Variants in RMDN3 observed in about 807,000 individuals in gnomAD.
RMDN3 encodes the protein regulator of microtubule dynamics protein 3.
A neutral mutation model predicts 61.8 loss-of-function variants in RMDN3; 41 were observed. That is an observed-to-expected ratio of 0.66 (90% CI 0.52 to 0.86). The LOEUF (loss-of-function observed/expected upper bound fraction) is 0.86, where lower values mean the gene tolerates loss of function less well. Among genes scored for constraint, RMDN3 ranks in the 40% least tolerant of loss-of-function variants. The pLI, the probability that RMDN3 is intolerant of heterozygous loss-of-function variation, is 0.00. For synonymous variants in RMDN3, 247 were observed against 232.0 expected (o/e 1.06, Z -0.59); for missense variants, 557 against 585.3 (o/e 0.95, Z 0.50).
rs994247457 is a variant in RMDN3 at position 40,746,481 on chromosome 15, C to T, written c.525-1222G>A. On this transcript the variant is annotated intron_variant, in intron 4 of 12. Coordinates refer to ENST00000338376, the MANE Select transcript of RMDN3 (RefSeq NM_018145.3). ...GCAGTGAGCGGAGATCACACCACTG[C>T]ACTCCACCCTGGGCGACAGAGCAAG... Among the ~76,000 whole-genome samples, 8 of 148,188 alleles carry T rather than the reference C, an allele frequency of 5.4e-5. No homozygotes were observed. In the Admixed American group the frequency reaches 5.4e-4, roughly 10 times the overall value.
chr15:40,752,052 C>T lies in RMDN3; in HGVS notation c.314G>A (p.Arg105Gln), dbSNP rs760955254. The T allele has an allele frequency of 9.3e-6, 15 of 1,614,230 alleles. No homozygotes were observed. The East Asian group carries it at 1.1e-4, about 12-fold the overall frequency. Residue 105 changes from arginine (R) to glutamine (Q), a missense_variant, in exon 3 of 13, where the codon CGG (arginine) becomes CAG (glutamine). By Grantham distance (43) the Arg-to-Gln change is conservative. Transcript: ENST00000338376. ...DFVLTSLVAL[R>Q]REVEELRSSL... ...GCTTCTCAGCTCCTCCACCTCCCGC[C>T]GCAGCGCCACAAGGCTGGTCAGCAC...
At position 40,737,721 on chromosome 15, in the gene RMDN3, A is replaced by G. The variant is rs778564666; in HGVS notation, c.1131T>C (p.Ser377=). The change falls in exon 10 of 13, where the codon TCT becomes TCC. Residue 377 remains serine, a synonymous_variant. Coordinates refer to ENST00000338376, the MANE Select transcript of RMDN3 (RefSeq NM_018145.3). ...TTTTTTTTTCTAGCCAGCTCAGGTG[A>G]GAGACCTGCCACAAAAAGATCAAGG... ...FLLGRWCYQV[S]HLSWLEKKTA... is the part of the protein sequence containing the mutation. The G allele has an allele frequency of 4.3e-6, 7 of 1,613,676 alleles. No homozygotes were observed. The highest frequency in any genetic ancestry group is 1.7e-5 in the Admixed American group (1 of 59,968).
chr15:40,739,137 CCCA>C (rs1897181695), intron 7 of RMDN3: 1 of 152,090 alleles, frequency 6.6e-6, no homozygotes. Flanking sequence ...TGCCTTCTCC[CCCA>C]CATCCCCCCT....
In RMDN3 at chr15:40,751,453, G is replaced by C; in HGVS notation, c.497C>G (p.Thr166Arg). The C allele has an allele frequency of 6.2e-7, 1 of 1,614,202 alleles. No individual in the cohort carries two copies. The highest frequency in any genetic ancestry group is 1.1e-5 in the South Asian group (1 of 91,090). The change falls in exon 4 of 13, where the codon ACG becomes AGG. Residue 166 changes from threonine to arginine, a missense_variant. By Grantham distance (71) the Thr-to-Arg change is moderately conservative (BLOSUM62 -1). Transcript: ENST00000338376. ...SVYFTASSGA[T>R]FTDAESEGGY... ...CCCTTCACTCTCAGCATCTGTGAAC[G>C]TGGCTCCCGAGGAGGCCGTGAAGTA...
chr15:40,740,658 A>AC (rs1897245142), intron 6 of RMDN3, among the ~76,000 whole-genome samples: 1 of 151,892 alleles, frequency 6.6e-6, no homozygotes, highest in Admixed American at 6.6e-5. Flanking sequence ...AAGGCTGCAA[A>AC]CGGCTTCTAA....
intron 4 of RMDN3, among the ~76,000 whole-genome samples, chr15:40,748,616 T>C (rs1471335563): frequency 6.6e-6 from 1 of 152,202 alleles, no homozygotes; most frequent in Non-Finnish European, 1.5e-5. Context: ...CTTTATTTTT[T>C]TGGGATGGAG....
intron 5 of RMDN3, 58 bp from the exon 6 acceptor site, chr15:40,744,207 G>A (rs1897402722): frequency 6.6e-7 from 1 of 1,509,752 alleles, no homozygotes; most frequent in Non-Finnish European, 9.2e-7. Context: ...GAGAATGGGG[G>A]CCTTGGCCTT....
chr15:40,743,161 C>G (rs1321690633), intron 6 of RMDN3, among the ~76,000 whole-genome samples: 1 of 152,166 alleles, frequency 6.6e-6, no homozygotes, highest in Non-Finnish European at 1.5e-5. Context: ...TGGTTTATGC[C>G]TGTTATCCCA....
chr15:40,743,980 G>C, intron 6 of RMDN3, 67 bp downstream of exon 6: 3 of 1,381,242 alleles, frequency 2.2e-6, no homozygotes, highest in Non-Finnish European at 2.0e-6. Flanking sequence ...CGGGTCCCCA[G>C]GCAGATGGGC....
intron 6 of RMDN3, among the ~76,000 whole-genome samples, chr15:40,741,130 C>T (rs1166674485): frequency 6.6e-6 from 1 of 152,046 alleles, no homozygotes; most frequent in Non-Finnish European, 1.5e-5. Flanking sequence ...CCCCAACAGA[C>T]CTTACTCTGG....
intron 3 of RMDN3, 30 bp from the exon 4 acceptor site, chr15:40,751,599 C>G (rs1215039204): frequency 6.2e-7 from 1 of 1,613,708 alleles, no homozygotes; most frequent in Non-Finnish European, 8.5e-7. Flanking sequence ...CCGAAGGGTA[C>G]CATTAGGTCC....
In RMDN3 at chr15:40,752,169, AG is replaced by A. The variant is rs1474356238; in HGVS notation, c.196del (p.Leu66CysfsTer33). The A allele has an allele frequency of 6.2e-7, 1 of 1,613,790 alleles. No homozygotes were observed. Among genetic ancestry groups the A allele is most frequent in the Non-Finnish European group, 8.5e-7 (1 of 1,179,836 alleles). On this transcript the variant is annotated frameshift_variant, in exon 3 of 13. Transcript: ENST00000338376. LOFTEE classifies it high-confidence loss of function. ...TCCAGCCCCACCTGGGACAGCCCGC[AG>A]GAGCATCACTGAAGGGGGAAACGAA... ...TSDPGRHVMLLRAVPGGAGDA... is the reference protein window; with the variant it reads ...TSDPGRHVMLXRAVPGGAGDA...
intron 5 of RMDN3, 101 bp from the exon 6 acceptor site, chr15:40,744,250 G>T (rs4923884): frequency 9.7e-6 from 10 of 1,034,068 alleles, no homozygotes; most frequent in Non-Finnish European, 1.5e-5. Context: ...TTCCAAGCTA[G>T]TATGTTACAG....
In RMDN3 at chr15:40,736,582, G is replaced by A; in HGVS notation, c.1372C>T (p.Gln458Ter). 2 of 1,613,948 alleles carry A rather than the reference G, an allele frequency of 1.2e-6. No individual in the cohort carries two copies. Among genetic ancestry groups the A allele is most frequent in the Non-Finnish European group, 8.5e-7 (1 of 1,179,902 alleles). Residue 458 changes from glutamine to a stop codon, truncating the protein, a stop_gained, in exon 13 of 13, where the codon CAG (glutamine) becomes TAG (stop). Coordinates refer to ENST00000338376, the MANE Select transcript of RMDN3 (RefSeq NM_018145.3). LOFTEE classifies it high-confidence loss of function. ...ACTTCCAGTTCTTCCAGGTCCTTCT[G>A]GATAGCCAAATCCTAGGGAGACAAA... Reference protein sequence around the residue: ...PDVTKEDLAIQKDLEELEVIL... With the variant: ...PDVTKEDLAI
intron 2 of RMDN3, among the ~76,000 whole-genome samples, chr15:40,752,398 G>A (rs1029666470): frequency 2.0e-5 from 3 of 151,968 alleles, no homozygotes; most frequent in African/African-American, 7.3e-5. Context: ...CCATACCAGG[G>A]CCCTTCAGGA....
At chr15:40,742,129 C>T (rs951090780) in intron 6 of RMDN3, among the ~76,000 whole-genome samples, 5 of 151,730 alleles carry the variant, frequency 3.3e-5, no homozygotes, top group African/African-American at 9.7e-5. Context: ...AAACAATCCT[C>T]CTGCTGGCAT....
rs1567060976 is a variant in RMDN3, at chr15:40,737,650, T to C, written c.1202A>G (p.Asp401Gly). The C allele has an allele frequency of 6.2e-7, 1 of 1,614,130 alleles. No individual in the cohort carries two copies. The change falls in exon 10 of 13, where the codon GAT becomes GGT. Residue 401 changes from aspartate to glycine, a missense_variant. Transcript: ENST00000338376. ...LESPLSATVE[D>G]ALQSFLKAEE... is the part of the protein sequence containing the mutation. Reference sequence around the variant, plus strand: ...TACCTTTAGGAAGCTCTGGAGGGCATCTTCCACAGTGGCACTGAGAGGGCT... The same window carrying C: ...TACCTTTAGGAAGCTCTGGAGGGCACCTTCCACAGTGGCACTGAGAGGGCT...
rs753399611 is a variant in RMDN3, at chr15:40,740,189, T to A, written c.915A>T (p.Lys305Asn). 1 of 1,609,008 alleles carries A rather than the reference T, an allele frequency of 6.2e-7. No homozygotes were observed. The highest frequency in any genetic ancestry group is 8.5e-7 in the Non-Finnish European group (1 of 1,176,012). Reference protein sequence around the residue: ...SEKKSYALDGKEEAEAALEKG... With the variant: ...SEKKSYALDGNEEAEAALEKG... ...TCTCCAGAGCAGCCTCTGCTTCTTC[T>A]TTTCCTGTAGGACGAAGGTAGATCC... The change falls in exon 7 of 13, where the codon AAA becomes AAT. Residue 305 changes from lysine (K) to asparagine (N), a missense_variant. Coordinates refer to ENST00000338376, the MANE Select transcript of RMDN3 (RefSeq NM_018145.3).
At chr15:40,745,409 TTTC>T (rs901339893) in intron 4 of RMDN3, 150 bp from the exon 5 acceptor site, 10 of 701,712 alleles carry the variant, frequency 1.4e-5, no homozygotes, top group Admixed American at 3.2e-5. Context: ...GCAGACTTTT[TTTC>T]TTTTTTTTTT....
Sources: gnomAD v4.1 joint callset for allele counts (sites outside exome capture counted in the v4.1 genomes callset) on GRCh38, gnomAD v4.1.1 for gene constraint, MANE v1.5 for transcripts, NCBI Gene and HGNC (gene_info 2026-07-23, HGNC 2026-07-21) for gene names.